Variants in CUL5 observed in about 807,000 individuals in gnomAD.
The protein encoded by CUL5 is cullin 5.
CUL5 carries 26 observed loss-of-function variants against 108.8 expected under a neutral mutation model. The ratio of observed to expected loss-of-function variants is 0.24; its 90% CI spans 0.18 to 0.33. The LOEUF (loss-of-function observed/expected upper bound fraction) is 0.33, where lower values mean the gene tolerates loss of function less well. Among genes scored for constraint, CUL5 ranks in the 10% least tolerant of loss-of-function variants. The pLI is 1.00. For missense variants in CUL5, 524 were observed against 909.2 expected (o/e 0.58, Z 5.45); for synonymous variants, 334 against 298.0 (o/e 1.12, Z -1.25).
chr11:108,069,272 TAAAC>T (rs1406390145), intron 7 of CUL5, among the ~76,000 whole-genome samples: 3 of 152,046 alleles, frequency 2.0e-5, no homozygotes, highest in Non-Finnish European at 4.4e-5. Context: ...CTCTGTCTCT[TAAAC>T]AAACAAAAAA....
intron 18 of CUL5, among the ~76,000 whole-genome samples, chr11:108,101,392 T>C (rs1392203912): frequency 6.6e-6 from 1 of 152,252 alleles, no homozygotes; most frequent in Non-Finnish European, 1.5e-5. Flanking sequence ...TAACTGCTGC[T>C]GTTGTCTACA....
rs916614642 is a variant in CUL5 at position 108,107,271 on chromosome 11, A to G, written c.*2887A>G. On this transcript the variant is annotated 3_prime_UTR_variant, in exon 19 of 19. Coordinates refer to ENST00000393094, the MANE Select transcript of CUL5 (RefSeq NM_003478.6). Reference sequence around the variant, plus strand: ...CTTTTTATTAAATTTAATAGAAAATATGACCTGAGTAGTTAAAAAGTATTT... The same window carrying G: ...CTTTTTATTAAATTTAATAGAAAATGTGACCTGAGTAGTTAAAAAGTATTT... 1 of 152,576 alleles carries G rather than the reference A, an allele frequency of 6.6e-6. No individual in the cohort carries two copies. Among genetic ancestry groups the G allele is most frequent in the Non-Finnish European group, 1.5e-5 (1 of 68,028 alleles). 9.5% of individuals were successfully genotyped at this position (152,576 alleles called of 1,614,324 possible).
At chr11:108,097,832 T>C in intron 17 of CUL5, 78 bp downstream of exon 17, 1 of 761,504 alleles carries the variant, frequency 1.3e-6, no homozygotes, top group African/African-American at 1.7e-5. Context: ...ATAATTGTTT[T>C]CCTTACATTA....
At chr11:108,100,257 T>A (rs1224711093) in intron 18 of CUL5, among the ~76,000 whole-genome samples, 2 of 152,076 alleles carry the variant, frequency 1.3e-5, no homozygotes, top group Non-Finnish European at 2.9e-5. Context: ...AGAAAATAAC[T>A]TTAGGCTCGG....
At chr11:108,045,797 C>G (rs1253985076) in intron 2 of CUL5, among the ~76,000 whole-genome samples, 2 of 152,074 alleles carry the variant, frequency 1.3e-5, no homozygotes, top group Admixed American at 6.6e-5. Flanking sequence ...GAGGTCAAGG[C>G]TGCAGTGAGC....
chr11:108,088,803 C>T, intron 12 of CUL5, 144 bp downstream of exon 12: 1 of 561,294 alleles, frequency 1.8e-6, no homozygotes, highest in Non-Finnish European at 2.8e-6. Context: ...AGTGCAAGAC[C>T]TCTCGGGGGG....
rs566407094 is a variant in CUL5, at chr11:108,012,514, C to T, written c.24+3142C>T. ...TTCCCCCCAGGACTTGGTGGTATGTCCCCTCTTACTTTTTTTTTTTTTTTT... is the reference window on the plus strand; with the variant it reads ...TTCCCCCCAGGACTTGGTGGTATGTTCCCTCTTACTTTTTTTTTTTTTTTT... On this transcript the variant is annotated intron_variant, in intron 1 of 18. Coordinates refer to ENST00000393094, the MANE Select transcript of CUL5 (RefSeq NM_003478.6). Among the ~76,000 whole-genome samples the T allele has an allele frequency of 3.1e-5, 4 of 127,358 alleles. No homozygotes were observed. In the South Asian group the frequency reaches 8.3e-4, roughly 26 times the overall value. The allele number at this position is 127,358 out of a possible 152,430, so 83.6% of individuals were successfully genotyped here.
At chr11:108,041,018 T>G (rs1289535982) in intron 2 of CUL5, among the ~76,000 whole-genome samples, 1 of 152,222 alleles carries the variant, frequency 6.6e-6, no homozygotes, top group East Asian at 1.9e-4. Context: ...AAAAGTGATT[T>G]GAGTACGGCA....
rs953220111 is a variant in CUL5, at chr11:108,068,689, C to T, written c.781-1407C>T. On this transcript the variant is annotated intron_variant, in intron 7 of 18. Transcript: ENST00000393094. ...CAGCCTTATTGTACTTAACTTTAGT[C>T]CTCACAACCTATTAATTTCATCTGA... is the stretch of plus-strand genomic sequence containing the variant. 2.0e-5 allele frequency among the ~76,000 whole-genome samples: 3 copies of T among 152,170 alleles called. No homozygotes were observed. The South Asian group carries it at 6.2e-4, about 32-fold the overall frequency.
chr11:108,096,968 G>C (rs1439660063), intron 16 of CUL5, among the ~76,000 whole-genome samples: 1 of 152,026 alleles, frequency 6.6e-6, no homozygotes, highest in South Asian at 2.1e-4. Flanking sequence ...GTACTCATTA[G>C]CCCCCTGCTC....
At chr11:108,067,911 T>G (rs527332479) in intron 7 of CUL5, among the ~76,000 whole-genome samples, 1 of 152,166 alleles carries the variant, frequency 6.6e-6, no homozygotes, top group East Asian at 1.9e-4. Flanking sequence ...ATATGTGTAG[T>G]CTTTTCTTTA....
At chr11:108,020,953 C>T (rs1205528112) in intron 1 of CUL5, among the ~76,000 whole-genome samples, 1 of 152,142 alleles carries the variant, frequency 6.6e-6, no homozygotes, top group East Asian at 1.9e-4. Flanking sequence ...CAATTTAGGT[C>T]TACCATTTTT....
chr11:108,073,594 AAC>A (rs1863878122), intron 10 of CUL5, 97 bp downstream of exon 10: 4 of 511,828 alleles, frequency 7.8e-6, no homozygotes, highest in Non-Finnish European at 1.3e-5. Flanking sequence ...ATTAATTATA[AAC>A]TTAAAAACCT....
Position 108,009,313 on chromosome 11 carries a change from T to A in CUL5, c.-36T>A. On this transcript the variant is annotated 5_prime_UTR_variant, in exon 1 of 19. Coordinates refer to ENST00000393094, the MANE Select transcript of CUL5 (RefSeq NM_003478.6). ...AGGCCTGGCCGGGAGCGCCACGAAT[T>A]CTCGCGTCGTCTCGCGAGAGTCCAA... The A allele has an allele frequency of 6.2e-7, 1 of 1,608,338 alleles. No individual in the cohort carries two copies. The highest frequency in any genetic ancestry group is 8.5e-7 in the Non-Finnish European group (1 of 1,177,518).
intron 11 of CUL5, among the ~76,000 whole-genome samples, chr11:108,081,936 C>T (rs1254536959): frequency 6.6e-6 from 1 of 152,180 alleles, no homozygotes; most frequent in Non-Finnish European, 1.5e-5. Flanking sequence ...ATCATTCTGG[C>T]TATTTGGGTT....
At chr11:108,016,933 T>G (rs1862207501) in intron 1 of CUL5, among the ~76,000 whole-genome samples, 1 of 152,158 alleles carries the variant, frequency 6.6e-6, no homozygotes, top group African/African-American at 2.4e-5. Context: ...GAGACTAGAT[T>G]GGGCAGCATA....
chr11:108,029,343 A>G (rs1312531827), intron 1 of CUL5, among the ~76,000 whole-genome samples: 2 of 152,134 alleles, frequency 1.3e-5, no homozygotes, highest in Non-Finnish European at 2.9e-5. Context: ...GAGTATGGCA[A>G]ATGTTGTAGT....
At chr11:108,059,916 G>A (rs1863493351) in intron 7 of CUL5, among the ~76,000 whole-genome samples, 1 of 151,584 alleles carries the variant, frequency 6.6e-6, no homozygotes, top group African/African-American at 2.4e-5. Flanking sequence ...ATACCCTTTT[G>A]TATTAGCAGA....
intron 2 of CUL5, among the ~76,000 whole-genome samples, chr11:108,045,699 C>T (rs572719457): frequency 3.3e-5 from 5 of 151,994 alleles, no homozygotes; most frequent in Admixed American, 3.3e-4. Context: ...GTTTCTACAA[C>T]AAAATTTAAA....
Sources: allele counts gnomAD v4.1 joint callset (sites outside exome capture counted in the v4.1 genomes callset), GRCh38; gene constraint gnomAD v4.1.1; transcripts MANE v1.5; gene names NCBI Gene and HGNC (gene_info 2026-07-23, HGNC 2026-07-21).